The following CRYBG3 variants were observed in gnomAD, a reference collection of about 807,000 sequenced individuals.
The protein encoded by CRYBG3 is crystallin beta-gamma domain containing 3.
A neutral mutation model predicts 244.2 loss-of-function variants in CRYBG3; 127 were observed. The ratio of observed to expected loss-of-function variants is 0.52; its 90% CI spans 0.45 to 0.60. The LOEUF (loss-of-function observed/expected upper bound fraction) is 0.60. Among genes scored for constraint, CRYBG3 ranks in the 20% least tolerant of loss-of-function variants. CRYBG3 has a pLI of 0.00. For missense variants in CRYBG3, 3,325 were observed against 3,442.5 expected, an observed-to-expected ratio of 0.97 and a Z score of 0.85; for synonymous variants, 1,132 against 1,195.8, an observed-to-expected ratio of 0.95 and a Z score of 1.10.
chr3:97,914,171 A>G (rs2039902514), intron 16 of CRYBG3, among the ~76,000 whole-genome samples: 1 of 152,044 alleles, frequency 6.6e-6, no homozygotes, highest in Admixed American at 6.6e-5. Context: ...TTGTTTATAT[A>G]CTTACCTCTG....
chr3:97,936,876 A>C lies in CRYBG3; in HGVS notation c.8473A>C (p.Lys2825Gln). The part of the protein sequence containing the change: ...IPNWTAFSRW[K>Q]TIGSLRPMKQ... Reference sequence around the variant, plus strand: ...AAACTGGACAGCATTCAGCAGATGGAAAACAATTGGTTCCCTCCGTCCTAT... The same window carrying C: ...AAACTGGACAGCATTCAGCAGATGGCAAACAATTGGTTCCCTCCGTCCTAT... The change falls in exon 19 of 22, where the codon AAA becomes CAA. Residue 2825 changes from lysine to glutamine, a missense_variant. By Grantham distance (53) the Lys-to-Gln change is moderately conservative. Transcript: ENST00000389622. The C allele has an allele frequency of 6.2e-7, 1 of 1,613,012 alleles. No homozygotes were observed. Among genetic ancestry groups the C allele is most frequent in the South Asian group, 1.1e-5 (1 of 91,018 alleles).
At chr3:97,908,507 T>G (rs2039806080) in intron 15 of CRYBG3, among the ~76,000 whole-genome samples, 1 of 152,226 alleles carries the variant, frequency 6.6e-6, no homozygotes, top group Admixed American at 6.5e-5. Flanking sequence ...TGTATTGGCC[T>G]TCTTTGTCTT....
At chr3:97,830,983 T>C (rs754050835) in intron 1 of CRYBG3, among the ~76,000 whole-genome samples, 7 of 152,148 alleles carry the variant, frequency 4.6e-5, no homozygotes, top group African/African-American at 1.2e-4. Flanking sequence ...TCCTGCCAAA[T>C]GTTATAATTT....
At chr3:97,885,351 G>A (rs751260380) in intron 7 of CRYBG3, among the ~76,000 whole-genome samples, 2 of 152,102 alleles carry the variant, frequency 1.3e-5, no homozygotes, top group Non-Finnish European at 2.9e-5. Context: ...AAGTAGAATT[G>A]TTCAGTCTCT....
intron 1 of CRYBG3, among the ~76,000 whole-genome samples, chr3:97,823,442 C>T (rs1201155389): frequency 6.6e-6 from 1 of 152,186 alleles, no homozygotes; most frequent in African/African-American, 2.4e-5. Flanking sequence ...GTGTGTTCCT[C>T]GGTTTCCCCG....
chr3:97,893,546 C>T (rs1268652899), intron 11 of CRYBG3, among the ~76,000 whole-genome samples: 2 of 152,226 alleles, frequency 1.3e-5, no homozygotes, highest in Admixed American at 6.5e-5. Flanking sequence ...GTTCCTGGGG[C>T]AGAAGCCCCC....
At chr3:97,936,720 T>C in intron 18 of CRYBG3, 65 bp from the exon 19 acceptor site, 1 of 1,549,220 alleles carries the variant, frequency 6.5e-7, no homozygotes, top group Non-Finnish European at 8.8e-7. Flanking sequence ...AAAGTGCAGA[T>C]ACTTTTGATG....
intron 17 of CRYBG3, among the ~76,000 whole-genome samples, chr3:97,919,417 G>T (rs1043843783): frequency 6.6e-6 from 1 of 152,074 alleles, no homozygotes; most frequent in African/African-American, 2.4e-5. Context: ...AAAACCCAGG[G>T]TTTTCATCAG....
At chr3:97,893,076 AT>A (rs1375868981) in intron 11 of CRYBG3, 83 bp downstream of exon 11, 4 of 1,173,342 alleles carry the variant, frequency 3.4e-6, no homozygotes, top group Non-Finnish European at 4.8e-6. Context: ...AGCAAAAATG[AT>A]TTGTTTTTAA....
intron 15 of CRYBG3, among the ~76,000 whole-genome samples, chr3:97,903,442 C>A (rs992368948): frequency 6.6e-6 from 1 of 151,860 alleles, no homozygotes; most frequent in Non-Finnish European, 1.5e-5. Flanking sequence ...GAATATATAA[C>A]CAATATGAGA....
intron 17 of CRYBG3, among the ~76,000 whole-genome samples, chr3:97,917,785 A>G (rs1489074799): frequency 1.3e-5 from 2 of 152,126 alleles, no homozygotes; most frequent in Admixed American, 6.6e-5. Flanking sequence ...TTTGGGTAAA[A>G]TAAGGTAGAT....
intron 17 of CRYBG3, among the ~76,000 whole-genome samples, chr3:97,928,538 A>C (rs1337534800): frequency 2.6e-5 from 4 of 152,030 alleles, no homozygotes; most frequent in Admixed American, 6.6e-5. Flanking sequence ...CCCTGCATAT[A>C]TACCCCAGAA....
At chr3:97,839,039 G>T (rs1403663457) in intron 1 of CRYBG3, among the ~76,000 whole-genome samples, 1 of 152,116 alleles carries the variant, frequency 6.6e-6, no homozygotes, top group East Asian at 1.9e-4. Context: ...CTAAGATGAG[G>T]CTATTTAGAA....
intron 15 of CRYBG3, among the ~76,000 whole-genome samples, chr3:97,909,037 G>A (rs951701781): frequency 1.3e-5 from 2 of 152,052 alleles, no homozygotes; most frequent in African/African-American, 4.8e-5. Context: ...GAAATTCTGG[G>A]TTGAAAATTC....
chr3:97,890,221 T>C (rs908120584), intron 10 of CRYBG3, among the ~76,000 whole-genome samples: 1 of 152,184 alleles, frequency 6.6e-6, no homozygotes, highest in African/African-American at 2.4e-5. Flanking sequence ...ATGTTGGAGT[T>C]TTTAAAAATG....
At position 97,872,001 on chromosome 3, in the gene CRYBG3, T is replaced by A. The variant is rs549905145; in HGVS notation, c.807T>A (p.Ile269=). The part of the protein sequence containing the change: ...ESSDSSTNRH[I]DPGSEIEAGV... ...CTGACTCTAGTACAAACAGACACAT[T>A]GACCCTGGAAGTGAGATTGAGGCTG... Residue 269 remains isoleucine, a synonymous_variant, in exon 4 of 22, where the codon ATT becomes ATA. Transcript: ENST00000389622. 1 of 1,535,864 alleles carries A rather than the reference T, an allele frequency of 6.5e-7. No individual in the cohort carries two copies. Among genetic ancestry groups the A allele is most frequent in the East Asian group, 2.4e-5 (1 of 40,904 alleles).
In CRYBG3 at chr3:97,822,112, A is replaced by G. The variant is rs975024742; in HGVS notation, c.-95A>G. The G allele has an allele frequency of 2.5e-6, 3 of 1,198,126 alleles. No homozygotes were observed. Among genetic ancestry groups the G allele is most frequent in the Non-Finnish European group, 3.3e-6 (3 of 908,218 alleles). 74.2% of individuals were successfully genotyped at this position (1,198,126 alleles called of 1,614,324 possible). Reference sequence around the variant, plus strand: ...AGCTCGCGTCGAGTCGGTCTGCCCTAGCCGCATCCCGCGGCGCCCGGTCGG... The same window carrying G: ...AGCTCGCGTCGAGTCGGTCTGCCCTGGCCGCATCCCGCGGCGCCCGGTCGG... On this transcript the variant is annotated 5_prime_UTR_variant, in exon 1 of 22. Transcript: ENST00000389622.
In CRYBG3 at chr3:97,872,833, G is replaced by T. The variant is rs894053423; in HGVS notation, c.1639G>T (p.Ala547Ser). 4 of 1,535,908 alleles carry T rather than the reference G, an allele frequency of 2.6e-6. No homozygotes were observed. Among genetic ancestry groups the T allele is most frequent in the Non-Finnish European group, 3.5e-6 (4 of 1,146,802 alleles). Residue 547 changes from alanine to serine, a missense_variant, in exon 4 of 22, where the codon GCT (alanine) becomes TCT (serine). Coordinates refer to ENST00000389622, the MANE Select transcript of CRYBG3 (RefSeq NM_153605.4). Reference sequence around the variant, plus strand: ...ATCCATAGCTTCAAGTCATGTAAAAGCTCCAGAAGATAAAATTGAGTCATT... The same window carrying T: ...ATCCATAGCTTCAAGTCATGTAAAATCTCCAGAAGATAAAATTGAGTCATT... ...GESIASSHVK[A>S]PEDKIESLPK...
intron 2 of CRYBG3, among the ~76,000 whole-genome samples, chr3:97,848,002 G>A (rs1016134040): frequency 2.6e-5 from 4 of 152,160 alleles, no homozygotes; most frequent in African/African-American, 9.7e-5. Context: ...TGGAAGAATT[G>A]TAGCCCAAGA....
Sources: allele counts gnomAD v4.1 joint callset (sites outside exome capture counted in the v4.1 genomes callset), GRCh38; gene constraint gnomAD v4.1.1; transcripts MANE v1.5; gene names NCBI Gene and HGNC (gene_info 2026-07-23, HGNC 2026-07-21).